Variants in CRTAC1 observed in about 807,000 individuals in gnomAD.
CRTAC1 encodes acidic secreted protein in cartilage.
In CRTAC1, 37 loss-of-function variants were observed where a neutral mutation model predicts 67.8. The ratio of observed to expected loss-of-function variants is 0.55; its 90% CI spans 0.42 to 0.72. The LOEUF is 0.72. CRTAC1 is among the 30% of genes least tolerant of loss of function. The pLI is 0.00. For missense variants in CRTAC1, 780 were observed against 931.6 expected, an observed-to-expected ratio of 0.84 and a Z score of 2.12; for synonymous variants, 348 against 371.0, an observed-to-expected ratio of 0.94 and a Z score of 0.71.
At chr10:97,950,370 A>G (rs1174718838) in intron 2 of CRTAC1, among the ~76,000 whole-genome samples, 1 of 151,898 alleles carries the variant, frequency 6.6e-6, no homozygotes, top group Non-Finnish European at 1.5e-5. Context: ...ACAGGAGCTG[A>G]ATGATAGGCC....
chr10:97,967,058 T>C (rs1174224463), intron 2 of CRTAC1, among the ~76,000 whole-genome samples: 2 of 145,494 alleles, frequency 1.4e-5, no homozygotes, highest in African/African-American at 2.6e-5. Context: ...TACGCAGGAG[T>C]AGGGAGTTTT....
chr10:97,946,482 A>T (rs894023563), intron 2 of CRTAC1, among the ~76,000 whole-genome samples: 1 of 152,154 alleles, frequency 6.6e-6, no homozygotes, highest in Admixed American at 6.5e-5. Context: ...GTTTGCATGT[A>T]AAAAACCCCA....
intron 2 of CRTAC1, among the ~76,000 whole-genome samples, chr10:97,993,481 A>C (rs1044388647): frequency 2.6e-5 from 4 of 152,192 alleles, no homozygotes; most frequent in Non-Finnish European, 5.9e-5. Flanking sequence ...TATATGCCTT[A>C]TCTCTCTTAT....
intron 2 of CRTAC1, among the ~76,000 whole-genome samples, chr10:97,944,127 CTG>C (rs2136623732): frequency 6.6e-6 from 1 of 152,194 alleles, no homozygotes; most frequent in South Asian, 2.1e-4. Flanking sequence ...GAAAAAGAAA[CTG>C]AGAAGAGCTG....
intron 1 of CRTAC1, among the ~76,000 whole-genome samples, chr10:98,018,090 T>G (rs933001493): frequency 6.7e-6 from 1 of 149,196 alleles, no homozygotes; most frequent in Non-Finnish European, 1.5e-5. Context: ...TAATCCCAGC[T>G]ACTCAGGAGG....
intron 2 of CRTAC1, among the ~76,000 whole-genome samples, chr10:97,978,690 G>A: frequency 6.6e-6 from 1 of 152,140 alleles, no homozygotes; most frequent in East Asian, 1.9e-4. Flanking sequence ...TGTCATTCAA[G>A]TCTCAGCTCT....
intron 2 of CRTAC1, among the ~76,000 whole-genome samples, chr10:97,971,691 T>C (rs1009507891): frequency 6.6e-6 from 1 of 152,254 alleles, no homozygotes; most frequent in Admixed American, 6.5e-5. Flanking sequence ...ACAATTTTGT[T>C]TTTTTAAAGC....
Position 97,917,577 on chromosome 10 carries a change from G to T in CRTAC1, c.638C>A (p.Pro213His). ...VGPDALIEMDPEASDLSRGIL... is the reference protein window; with the variant it reads ...VGPDALIEMDHEASDLSRGIL... ...GCCCCGGGAGAGGTCACTGGCCTCA[G>T]GGTCCATTTCAATGAGGGCATCAGG... The change falls in exon 5 of 15, where the codon CCT becomes CAT. Residue 213 changes from proline to histidine, a missense_variant. By Grantham distance (77) the Pro-to-His change is moderately conservative. Transcript: ENST00000370597. 6.2e-7 allele frequency: 1 copy of T among 1,604,156 alleles called. No individual in the cohort carries two copies. The highest frequency in any genetic ancestry group is 8.5e-7 in the Non-Finnish European group (1 of 1,174,670).
intron 5 of CRTAC1, among the ~76,000 whole-genome samples, chr10:97,908,375 C>T (rs939564814): frequency 2.5e-4 from 38 of 152,270 alleles, no homozygotes; most frequent in African/African-American, 8.7e-4. Flanking sequence ...GGAGCTCAAC[C>T]GGGCATGGGG....
chr10:97,966,864 C>T (rs73334604), intron 2 of CRTAC1, among the ~76,000 whole-genome samples: 3,354 of 152,184 alleles, frequency 0.022, 111 homozygotes, highest in African/African-American at 0.076. Flanking sequence ...AGGAAGACCA[C>T]AGAAGCACCG....
intron 2 of CRTAC1, among the ~76,000 whole-genome samples, chr10:97,993,846 G>A (rs1182185199): frequency 2.6e-5 from 4 of 152,094 alleles, no homozygotes; most frequent in Non-Finnish European, 5.9e-5. Flanking sequence ...ATCAAAATGT[G>A]TATGTAGAGT....
At chr10:97,918,935 C>A (rs561052269) in intron 4 of CRTAC1, among the ~76,000 whole-genome samples, 5 of 152,080 alleles carry the variant, frequency 3.3e-5, no homozygotes, top group Admixed American at 6.5e-5. Context: ...AGGCACGCAC[C>A]ACCACTCCTG....
chr10:97,987,709 T>A (rs1026312894), intron 2 of CRTAC1, among the ~76,000 whole-genome samples: 5 of 152,238 alleles, frequency 3.3e-5, no homozygotes, highest in Admixed American at 6.5e-5. Flanking sequence ...GTCAGCTCCA[T>A]GACAGCAGGG....
At chr10:97,939,588 C>T (rs1278248075) in intron 2 of CRTAC1, among the ~76,000 whole-genome samples, 1 of 152,174 alleles carries the variant, frequency 6.6e-6, no homozygotes. Context: ...AGGCTGCTCT[C>T]TGCTGAGTCT....
chr10:97,985,460 A>G (rs561526017), intron 2 of CRTAC1, among the ~76,000 whole-genome samples: 131 of 152,120 alleles, frequency 8.6e-4, no homozygotes, highest in Middle Eastern at 3.4e-3. Context: ...CCCTCAGAGC[A>G]CTCATGAAGC....
At chr10:97,985,927 G>A (rs988521695) in intron 2 of CRTAC1, among the ~76,000 whole-genome samples, 2 of 152,092 alleles carry the variant, frequency 1.3e-5, no homozygotes, top group Non-Finnish European at 2.9e-5. Flanking sequence ...GGCCAGCAAG[G>A]GACAGAAGGC....
intron 2 of CRTAC1, among the ~76,000 whole-genome samples, chr10:97,973,697 AC>A (rs530688739): frequency 7.0e-4 from 107 of 151,784 alleles, no homozygotes; most frequent in Admixed American, 1.8e-3. Flanking sequence ...TCCTTCCTGA[AC>A]CCCTTTTGGC....
intron 6 of CRTAC1, among the ~76,000 whole-genome samples, chr10:97,907,020 A>T (rs1436561800): frequency 1.3e-5 from 2 of 152,208 alleles, no homozygotes; most frequent in Non-Finnish European, 2.9e-5. Context: ...CCTCCCATTC[A>T]TTGGCAAGGT....
intron 3 of CRTAC1, among the ~76,000 whole-genome samples, chr10:97,929,022 G>T (rs1178795873): frequency 6.6e-6 from 1 of 152,070 alleles, no homozygotes; most frequent in Non-Finnish European, 1.5e-5. Flanking sequence ...TAGGAGCTCA[G>T]GCTTGATCGG....
Sources: allele counts gnomAD v4.1 joint callset (sites outside exome capture counted in the v4.1 genomes callset), GRCh38; gene constraint gnomAD v4.1.1; transcripts MANE v1.5; gene names NCBI Gene and HGNC (gene_info 2026-07-23, HGNC 2026-07-21).